The following LITAF variants were observed in gnomAD, a reference collection of about 807,000 sequenced individuals.
LITAF encodes the protein lipopolysaccharide-induced tumor necrosis factor-alpha factor.
Under a neutral mutation model 14.5 loss-of-function variants are expected in LITAF, and 9 were observed. That is an observed-to-expected ratio of 0.62 (90% CI 0.37 to 1.08). The LOEUF is 1.08. Ranked by LOEUF, LITAF falls within the 50% of genes least tolerant of loss-of-function variation. The pLI, the probability that LITAF is intolerant of heterozygous loss-of-function variation, is 0.01. For synonymous variants in LITAF, 98 were observed against 88.2 expected, an observed-to-expected ratio of 1.11 and a Z score of -0.62; for missense variants, 206 against 213.4, an observed-to-expected ratio of 0.97 and a Z score of 0.22.
Position 11,579,436 on chromosome 16 carries a change from C to G in LITAF, c.-6+7450G>C, listed in dbSNP as rs887202738. On this transcript the variant is annotated intron_variant, in intron 1 of 3. Coordinates refer to ENST00000622633, the MANE Select transcript of LITAF (RefSeq NM_001136472.2). ...ACTGCAGTCCGCAGTCCGGCCTGGGCGACAGAGCGAGACTCCGTCTCAAAA... is the reference window on the plus strand; with the variant it reads ...ACTGCAGTCCGCAGTCCGGCCTGGGGGACAGAGCGAGACTCCGTCTCAAAA... 2.0e-5 allele frequency among the ~76,000 whole-genome samples: 3 copies of G among 149,270 alleles called. 1 individual carries two copies. The highest frequency in any genetic ancestry group is 6.7e-5 in the Admixed American group (1 of 14,974).
chr16:11,621,109 G>C (rs1253551804), intron 3 of LITAF, among the ~76,000 whole-genome samples: 1 of 152,074 alleles, frequency 6.6e-6, no homozygotes, highest in Non-Finnish European at 1.5e-5. Context: ...GCCCAGCCTG[G>C]AGTGCAATGG....
At chr16:11,593,579 T>C (rs1567257454) in intron 1 of LITAF, among the ~76,000 whole-genome samples, 1 of 152,114 alleles carries the variant, frequency 6.6e-6, no homozygotes, top group Admixed American at 6.6e-5. Flanking sequence ...TAGGGATAAC[T>C]CAAATGTCCA....
In LITAF at chr16:11,549,840, G is replaced by A. The variant is rs1254734715; in HGVS notation, c.378-95C>T. 1 of 993,678 alleles carries A rather than the reference G, an allele frequency of 1.0e-6. No individual in the cohort carries two copies. Among genetic ancestry groups the A allele is most frequent in the Non-Finnish European group, 1.6e-6 (1 of 641,544 alleles). 61.6% of individuals were successfully genotyped at this position (993,678 alleles called of 1,614,324 possible). On this transcript the variant is annotated intron_variant, in intron 3 of 3. Transcript: ENST00000622633. The surrounding 1 kb of genome is among the most constrained non-coding windows in gnomAD (Gnocchi z 4.6). The stretch of plus-strand genomic sequence containing the variant: ...ATGTTCATGTCCTTCTTTGTAAAAA[G>A]GGTCTTTGCCAGTATAATTAGGAAT...
At chr16:11,588,576 A>AAG (rs34091428), upstream of LITAF, among the ~76,000 whole-genome samples, 17 of 149,468 alleles carry the variant, frequency 1.1e-4, no homozygotes, top group Admixed American at 9.3e-4. Flanking sequence ...AGGGAAAAGA[A>AAG]AGAGAAGGAA....
intron 1 of LITAF, among the ~76,000 whole-genome samples, chr16:11,563,873 G>C (rs1006745750): frequency 6.6e-6 from 1 of 151,986 alleles, no homozygotes; most frequent in Admixed American, 6.6e-5. Context: ...TGGGGGGCGT[G>C]CTTGTCAACC....
At chr16:11,615,782 G>A (rs1433732168) in intron 3 of LITAF, among the ~76,000 whole-genome samples, 1 of 152,210 alleles carries the variant, frequency 6.6e-6, no homozygotes, top group Non-Finnish European at 1.5e-5. Context: ...TCCTGGCACA[G>A]AGCTGCCAAA....
chr16:11,635,146 C>A (rs2065133405), intron 2 of LITAF, among the ~76,000 whole-genome samples: 1 of 152,218 alleles, frequency 6.6e-6, no homozygotes, highest in South Asian at 2.1e-4. Flanking sequence ...TTCTCCCTTG[C>A]AAATTCCCCT....
chr16:11,568,726 C>G (rs1597344889), intron 1 of LITAF, among the ~76,000 whole-genome samples: 1 of 145,358 alleles, frequency 6.9e-6, no homozygotes, highest in Non-Finnish European at 1.5e-5. Context: ...GTTGCCCAGG[C>G]TGGAATGCAG....
chr16:11,621,903 C>T (rs999284805), intron 3 of LITAF, among the ~76,000 whole-genome samples: 5 of 152,130 alleles, frequency 3.3e-5, no homozygotes, highest in Non-Finnish European at 5.9e-5. Context: ...TGCTGCAGCC[C>T]ATTTCTTCTG....
At chr16:11,637,900 A>AAC (rs1329712401), upstream of LITAF, among the ~76,000 whole-genome samples, 3 of 59,122 alleles carry the variant, frequency 5.1e-5, no homozygotes, top group Admixed American at 1.6e-4. Flanking sequence ...AAAAAAAACT[A>AAC]TATATATATA....
At chr16:11,620,167 C>CA (rs533195309) in intron 3 of LITAF, among the ~76,000 whole-genome samples, 4,129 of 66,732 alleles carry the variant, frequency 0.062, 216 homozygotes, top group African/African-American at 0.19. Context: ...GAGTCCGTCT[C>CA]AAAAAAAAAA....
intron 3 of LITAF, among the ~76,000 whole-genome samples, chr16:11,629,832 G>C (rs771063627): frequency 1.3e-5 from 2 of 152,164 alleles, no homozygotes; most frequent in Non-Finnish European, 1.5e-5. Context: ...AGTGCGGTAC[G>C]GATTAACAAG....
In LITAF at chr16:11,571,068, T is replaced by TA. The variant is rs147501562; in HGVS notation, c.-5-14334dup. Among the ~76,000 whole-genome samples the TA allele has an allele frequency of 1.7e-3, 253 of 152,252 alleles. 3 individuals are homozygous for TA. The East Asian group carries it at 0.025, about 15-fold the overall frequency. On this transcript the variant is annotated intron_variant, in intron 1 of 3. Coordinates refer to ENST00000622633, the MANE Select transcript of LITAF (RefSeq NM_001136472.2). Reference sequence around the variant, plus strand: ...AGGAGCACAGTCCAGCTGACACTGCTATTTTTTGTGTGTTGTTGAGTCCAA... The same window carrying TA: ...AGGAGCACAGTCCAGCTGACACTGCTAATTTTTTGTGTGTTGTTGAGTCCAA...
intron 1 of LITAF, among the ~76,000 whole-genome samples, chr16:11,585,978 C>G (rs928795296): frequency 2.0e-5 from 3 of 152,214 alleles, no homozygotes; most frequent in African/African-American, 7.2e-5. Context: ...ACACCTTTCC[C>G]CTATCACCTC....
intron 3 of LITAF, among the ~76,000 whole-genome samples, chr16:11,606,992 A>G (rs1396473034): frequency 1.3e-5 from 2 of 152,080 alleles, no homozygotes; most frequent in African/African-American, 4.8e-5. Flanking sequence ...TTCCTGTCCT[A>G]TATTATGGAT....
chr16:11,562,313 CAAAAAAAAA>C (rs57317505), intron 1 of LITAF, among the ~76,000 whole-genome samples: 1 of 61,434 alleles, frequency 1.6e-5, no homozygotes, highest in Non-Finnish European at 3.1e-5. Context: ...GACTCCGTCT[CAAAAAAAAA>C]AAAAAAAAAA....
chr16:11,574,198 C>T (rs1025402282), intron 1 of LITAF, among the ~76,000 whole-genome samples: 4 of 152,164 alleles, frequency 2.6e-5, no homozygotes, highest in African/African-American at 9.6e-5. Flanking sequence ...TGCACCACCA[C>T]ACCTAGCTAA....
At chr16:11,577,320 T>TA (rs200748026) in intron 1 of LITAF, among the ~76,000 whole-genome samples, 2,079 of 147,920 alleles carry the variant, frequency 0.014, 28 homozygotes, top group Non-Finnish European at 0.023. Flanking sequence ...GTGTCTATTT[T>TA]TTTTTTTTTT....
chr16:11,569,786 A>G (rs976595067), intron 1 of LITAF, among the ~76,000 whole-genome samples: 10 of 152,208 alleles, frequency 6.6e-5, no homozygotes, highest in African/African-American at 1.9e-4. Context: ...TAATCCCAGC[A>G]CTTTGGGAGA....
Sources: allele counts gnomAD v4.1 joint callset (sites outside exome capture counted in the v4.1 genomes callset), GRCh38; gene constraint gnomAD v4.1.1; non-coding constraint Gnocchi (gnomAD v3.1); transcripts MANE v1.5; gene names NCBI Gene and HGNC (gene_info 2026-07-23, HGNC 2026-07-21).